The following CD247 variants were observed in gnomAD, a reference collection of about 807,000 sequenced individuals.
CD247 encodes CD247 molecule.
In CD247, 13 loss-of-function variants were observed where a neutral mutation model predicts 30.0. That is an observed-to-expected ratio of 0.43 (90% CI 0.28 to 0.69). The LOEUF (loss-of-function observed/expected upper bound fraction) is 0.69, where lower values mean the gene tolerates loss of function less well. Ranked by LOEUF, CD247 falls within the 30% of genes least tolerant of loss-of-function variation. The probability of loss-of-function intolerance (pLI) is 0.16; values close to 1 mark genes in which losing one functional copy is unlikely to be tolerated. For missense variants in CD247, 193 were observed against 212.6 expected (o/e 0.91, Z 0.57); for synonymous variants, 72 against 80.0 (o/e 0.90, Z 0.53).
chr1:167,482,232 G>T (rs1471680709), intron 1 of CD247, among the ~76,000 whole-genome samples: 1 of 152,170 alleles, frequency 6.6e-6, no homozygotes, highest in African/African-American at 2.4e-5. Flanking sequence ...GGAATGAAGG[G>T]ATCAAGCTGG....
At chr1:167,505,433 G>T in intron 1 of CD247, among the ~76,000 whole-genome samples, 1 of 152,224 alleles carries the variant, frequency 6.6e-6, no homozygotes, top group East Asian at 1.9e-4. Flanking sequence ...GTATGTGTTT[G>T]CATGTATGTG....
intron 1 of CD247, among the ~76,000 whole-genome samples, chr1:167,491,424 C>T (rs983609185): frequency 1.4e-4 from 21 of 152,110 alleles, no homozygotes; most frequent in African/African-American, 4.6e-4. Flanking sequence ...CAAAATTAGC[C>T]GGACATGGTG....
intron 1 of CD247, among the ~76,000 whole-genome samples, chr1:167,476,333 G>A (rs1345639607): frequency 1.3e-5 from 2 of 152,134 alleles, no homozygotes; most frequent in African/African-American, 4.8e-5. Flanking sequence ...GCCCTACCAA[G>A]CAAATAGAAT....
chr1:167,504,455 A>C (rs1187712151), intron 1 of CD247, among the ~76,000 whole-genome samples: 7 of 152,270 alleles, frequency 4.6e-5, no homozygotes, highest in Non-Finnish European at 1.0e-4. Flanking sequence ...ATCTCTGATA[A>C]TATTTCTGAC....
intron 1 of CD247, among the ~76,000 whole-genome samples, chr1:167,449,665 G>A (rs946026099): frequency 1.3e-5 from 2 of 152,090 alleles, no homozygotes; most frequent in Non-Finnish European, 2.9e-5. Flanking sequence ...GCTCACGCCT[G>A]TAATCCCAGT....
At chr1:167,468,926 A>C (rs1267583769) in intron 1 of CD247, among the ~76,000 whole-genome samples, 1 of 152,058 alleles carries the variant, frequency 6.6e-6, no homozygotes, top group African/African-American at 2.4e-5. Flanking sequence ...AGGAAGCTAC[A>C]TTCCCAAACA....
At chr1:167,456,500 G>C (rs1416057494) in intron 1 of CD247, among the ~76,000 whole-genome samples, 1 of 152,222 alleles carries the variant, frequency 6.6e-6, no homozygotes, top group Non-Finnish European at 1.5e-5. Flanking sequence ...TCTAGAGTGA[G>C]AGGGGTTTCT....
At chr1:167,500,521 G>A (rs1654856797) in intron 1 of CD247, among the ~76,000 whole-genome samples, 1 of 152,168 alleles carries the variant, frequency 6.6e-6, no homozygotes, top group Non-Finnish European at 1.5e-5. Context: ...TTGTTTATTA[G>A]CTTTTATCTG....
intron 1 of CD247, among the ~76,000 whole-genome samples, chr1:167,457,914 G>A (rs890442657): frequency 2.0e-5 from 3 of 152,168 alleles, no homozygotes; most frequent in African/African-American, 7.2e-5. Context: ...TTACATAATT[G>A]CTCAGATAAT....
intron 1 of CD247, among the ~76,000 whole-genome samples, chr1:167,500,683 C>A (rs193211986): frequency 6.6e-6 from 1 of 152,322 alleles, no homozygotes; most frequent in African/African-American, 2.4e-5. Context: ...AGAATAGAAA[C>A]TCCTATGACT....
intron 1 of CD247, among the ~76,000 whole-genome samples, chr1:167,455,125 A>T (rs1652577472): frequency 6.6e-6 from 1 of 152,128 alleles, no homozygotes; most frequent in African/African-American, 2.4e-5. Context: ...GCCGCTGCCC[A>T]CTGCACCGAG....
intron 5 of CD247, chr1:167,434,553 C>T (rs541820944): frequency 1.3e-4 from 48 of 356,060 alleles, no homozygotes; most frequent in South Asian, 9.8e-4. Flanking sequence ...CAACCCAGAT[C>T]GACAATCAGG....
At chr1:167,458,714 T>TC (rs1172367616) in intron 1 of CD247, 9 of 102,844 alleles carry the variant, frequency 8.8e-5, no homozygotes, top group Admixed American at 1.2e-4. Flanking sequence ...TTTTTTTTTT[T>TC]TGAGACAGGG....
At chr1:167,433,978 C>A (rs990332661) in intron 6 of CD247, 42 bp downstream of exon 6, 2 of 1,567,622 alleles carry the variant, frequency 1.3e-6, no homozygotes, top group African/African-American at 2.7e-5. Context: ...TCTGGAGGAC[C>A]AAGAGGAACT....
chr1:167,470,330 C>T (rs1653454924), intron 1 of CD247, among the ~76,000 whole-genome samples: 2 of 152,284 alleles, frequency 1.3e-5, no homozygotes, highest in East Asian at 3.9e-4. Flanking sequence ...TAACGGACAA[C>T]TCAGCTCTAC....
intron 4 of CD247, 135 bp from the exon 5 acceptor site, chr1:167,435,569 C>T: frequency 2.6e-6 from 2 of 763,564 alleles, no homozygotes; most frequent in South Asian, 1.4e-5. Flanking sequence ...CCCTGTGCTA[C>T]CCCAGCCTTG....
chr1:167,465,055 C>T (rs967966497), intron 1 of CD247, among the ~76,000 whole-genome samples: 6 of 152,152 alleles, frequency 3.9e-5, no homozygotes, highest in African/African-American at 1.4e-4. Context: ...CTTGCTTTTT[C>T]TCTTCTCCCT....
intron 1 of CD247, among the ~76,000 whole-genome samples, chr1:167,489,656 A>T (rs755919547): frequency 7.9e-5 from 12 of 152,128 alleles, no homozygotes; most frequent in Non-Finnish European, 1.8e-4. Flanking sequence ...ATGTGATGTG[A>T]CTGGCTCTCA....
intron 1 of CD247, among the ~76,000 whole-genome samples, chr1:167,446,324 G>T (rs983703416): frequency 1.3e-5 from 2 of 152,030 alleles, no homozygotes; most frequent in South Asian, 2.1e-4. Flanking sequence ...CTCCTCACCC[G>T]CACATCACAG....
Sources: allele counts gnomAD v4.1 joint callset (sites outside exome capture counted in the v4.1 genomes callset), GRCh38; gene constraint gnomAD v4.1.1; transcripts MANE v1.5; gene names NCBI Gene and HGNC (gene_info 2026-07-23, HGNC 2026-07-21).